Variants in DNM2 observed in about 807,000 individuals in gnomAD.
DNM2 encodes the protein dynamin 2, also known as dynamin-2.
In DNM2, 15 loss-of-function variants were observed where a neutral mutation model predicts 99.0. The observed-to-expected ratio is 0.15, with a 90% CI of 0.10 to 0.23. The LOEUF (loss-of-function observed/expected upper bound fraction) is 0.23. DNM2 is among the 10% of genes least tolerant of loss of function. The pLI is 1.00. For synonymous variants in DNM2, 525 were observed against 481.2 expected, an observed-to-expected ratio of 1.09 and a Z score of -1.19; for missense variants, 742 against 1,189.4, an observed-to-expected ratio of 0.62 and a Z score of 5.53.
intron 1 of DNM2, among the ~76,000 whole-genome samples, chr19:10,732,313 A>C (rs1413090689): frequency 1.3e-5 from 2 of 149,956 alleles, no homozygotes; most frequent in East Asian, 2.0e-4. Flanking sequence ...AAAAAAAAAA[A>C]AAAAACAGGC....
chr19:10,819,174 C>T (rs1191297132), intron 15 of DNM2, among the ~76,000 whole-genome samples: 1 of 152,142 alleles, frequency 6.6e-6, no homozygotes, highest in Non-Finnish European at 1.5e-5. Context: ...CCTGTAATCC[C>T]AGCACTCTGG....
At chr19:10,791,075 T>A (rs149927933) in intron 7 of DNM2, among the ~76,000 whole-genome samples, 52 of 152,056 alleles carry the variant, frequency 3.4e-4, no homozygotes, top group African/African-American at 1.0e-3. Flanking sequence ...CTTGTTTTTT[T>A]AATTTTTATT....
In DNM2 at chr19:10,830,034, C is replaced by T; in HGVS notation, c.2292-93C>T. On this transcript the variant is annotated intron_variant, in intron 19 of 20. Coordinates refer to ENST00000389253, the MANE Select transcript of DNM2 (RefSeq NM_001005361.3). This position sits in a 1 kb window ranked among gnomAD's most constrained non-coding sequence, Gnocchi z 4.8. The stretch of plus-strand genomic sequence containing the variant: ...ACTGCGCCTGCGCTGTCCCCATAGC[C>T]AGCCCCCACCTCAGGTTCTGGCAGC... 1 of 1,578,906 alleles carries T rather than the reference C, an allele frequency of 6.3e-7. No individual in the cohort carries two copies. The highest frequency in any genetic ancestry group is 8.7e-7 in the Non-Finnish European group (1 of 1,148,252).
chr19:10,783,290 A>T (rs1291449436), intron 6 of DNM2, among the ~76,000 whole-genome samples, 170 bp downstream of exon 6: 1 of 152,208 alleles, frequency 6.6e-6, no homozygotes, highest in Non-Finnish European at 1.5e-5. Context: ...ACATATGGAG[A>T]CCCCATCTCT....
chr19:10,749,346 C>G (rs1387315923), intron 1 of DNM2, among the ~76,000 whole-genome samples: 1 of 152,246 alleles, frequency 6.6e-6, no homozygotes, highest in African/African-American at 2.4e-5. Context: ...CTGGACTCAA[C>G]CTGGCACCTC....
chr19:10,732,573 C>CT (rs2069367852), intron 1 of DNM2, among the ~76,000 whole-genome samples: 1 of 151,832 alleles, frequency 6.6e-6, no homozygotes. Context: ...GCACTCCCGC[C>CT]TGGGTGATAG....
At chr19:10,803,760 G>A (rs1568309881) in intron 12 of DNM2, 1 of 931,594 alleles carries the variant, frequency 1.1e-6, no homozygotes, top group Non-Finnish European at 1.3e-6. Context: ...ACATCCCTGG[G>A]GCCCGCTGAA....
chr19:10,813,731 T>TA (rs2072632390), intron 15 of DNM2, among the ~76,000 whole-genome samples: 1 of 150,384 alleles, frequency 6.6e-6, no homozygotes, highest in Admixed American at 6.7e-5. Context: ...GAGGCTGAGG[T>TA]GGGAGGGTCA....
intron 2 of DNM2, among the ~76,000 whole-genome samples, chr19:10,771,172 T>C (rs954468055): frequency 6.6e-6 from 1 of 152,172 alleles, no homozygotes; most frequent in Non-Finnish European, 1.5e-5. Context: ...CATTTTACTC[T>C]GAAAATTCGA....
intron 1 of DNM2, among the ~76,000 whole-genome samples, chr19:10,728,284 TC>T (rs1249941577): frequency 6.6e-6 from 1 of 152,200 alleles, no homozygotes; most frequent in Non-Finnish European, 1.5e-5. Context: ...GCTCTTAGCA[TC>T]CCTGCTTTAT....
At position 10,817,740 on chromosome 19, in the gene DNM2, G is replaced by A. The variant is rs1379626786; in HGVS notation, c.1672-2240G>A. Among the ~76,000 whole-genome samples, 2 of 135,352 alleles carry A rather than the reference G, an allele frequency of 1.5e-5. No homozygotes were observed. The highest frequency in any genetic ancestry group is 7.5e-5 in the Admixed American group (1 of 13,350). The allele number at this position is 135,352 out of a possible 152,430, so 88.8% of individuals were successfully genotyped here. On this transcript the variant is annotated intron_variant, in intron 15 of 20. Transcript: ENST00000389253. The surrounding 1 kb of genome is among the most constrained non-coding windows in gnomAD (Gnocchi z 4.6). ...CAGGGTTTGGGATCGTGGCTTCTGGGCTCAGGAGGAATGTCTGACTCTTTG... is the reference window on the plus strand; with the variant it reads ...CAGGGTTTGGGATCGTGGCTTCTGGACTCAGGAGGAATGTCTGACTCTTTG...
At chr19:10,777,549 A>T (rs1308937155) in intron 5 of DNM2, among the ~76,000 whole-genome samples, 2 of 151,938 alleles carry the variant, frequency 1.3e-5, no homozygotes, top group Non-Finnish European at 2.9e-5. Flanking sequence ...ACTTTAATTA[A>T]TTTTTTTATT....
At chr19:10,803,850 C>G (rs1376623981) in intron 12 of DNM2, among the ~76,000 whole-genome samples, 1 of 152,206 alleles carries the variant, frequency 6.6e-6, no homozygotes, top group African/African-American at 2.4e-5. Context: ...GCTGTAGCCC[C>G]TGCTGTTTCA....
chr19:10,718,558 G>A (rs1347785874), intron 1 of DNM2, 155 bp downstream of exon 1: 6 of 1,119,580 alleles, frequency 5.4e-6, no homozygotes, highest in African/African-American at 4.9e-5. Context: ...CCTGTGGGAC[G>A]CCCTGGGCAG....
chr19:10,810,980 G>T (rs1386308379), intron 14 of DNM2: 2 of 152,594 alleles, frequency 1.3e-5, no homozygotes, highest in Non-Finnish European at 1.5e-5. Flanking sequence ...GCTGGCCTCA[G>T]CCCCCTCACC....
chr19:10,787,752 CAAA>C (rs35556775), intron 7 of DNM2, among the ~76,000 whole-genome samples: 4 of 108,360 alleles, frequency 3.7e-5, no homozygotes, highest in Admixed American at 9.6e-5. Flanking sequence ...AAGACTGTCT[CAAA>C]AAAAAAAAAA....
At chr19:10,790,917 C>T (rs1244385841) in intron 7 of DNM2, among the ~76,000 whole-genome samples, 2 of 151,910 alleles carry the variant, frequency 1.3e-5, no homozygotes, top group Admixed American at 6.6e-5. Context: ...TACAGGTATG[C>T]GCCACCATGC....
chr19:10,790,922 C>A (rs1263563206), intron 7 of DNM2, among the ~76,000 whole-genome samples: 1 of 152,096 alleles, frequency 6.6e-6, no homozygotes, highest in African/African-American at 2.4e-5. Flanking sequence ...GTATGCGCCA[C>A]CATGCCTAGC....
chr19:10,831,358 G>T lies in DNM2; in HGVS notation c.*311G>T. On this transcript the variant is annotated 3_prime_UTR_variant, in exon 21 of 21. Transcript: ENST00000389253. This position sits in a 1 kb window ranked among gnomAD's most constrained non-coding sequence, Gnocchi z 4.3. The stretch of plus-strand genomic sequence containing the variant: ...CTGAATGAGGGGTCCAGCCTGGGGG[G>T]GACTCTACCAAGGTCTTCTTGGGCT... The T allele has an allele frequency of 8.7e-7, 1 of 1,146,774 alleles. No homozygotes were observed. The highest frequency in any genetic ancestry group is 1.1e-6 in the Non-Finnish European group (1 of 932,312). The allele number at this position is 1,146,774 out of a possible 1,614,324, so 71.0% of individuals were successfully genotyped here.
Sources: gnomAD v4.1 joint callset for allele counts (sites outside exome capture counted in the v4.1 genomes callset) on GRCh38, gnomAD v4.1.1 for gene constraint, Gnocchi (gnomAD v3.1) non-coding constraint, MANE v1.5 for transcripts, NCBI Gene and HGNC (gene_info 2026-07-23, HGNC 2026-07-21) for gene names.